The following RBFOX1 variants were observed in gnomAD, a reference collection of about 807,000 sequenced individuals.
RBFOX1 encodes the protein RNA binding protein fox-1 homolog 1.
RBFOX1 carries 8 observed loss-of-function variants against 57.7 expected under a neutral mutation model. The ratio of observed to expected loss-of-function variants is 0.14; its 90% CI spans 0.08 to 0.25. RBFOX1 has a LOEUF of 0.25. Among genes scored for constraint, RBFOX1 ranks in the 10% least tolerant of loss-of-function variants. The pLI is 1.00. For synonymous variants in RBFOX1, 326 were observed against 222.4 expected (o/e 1.47, Z -4.15); for missense variants, 611 against 548.5 (o/e 1.11, Z -1.14).
intron 1 of RBFOX1, among the ~76,000 whole-genome samples, chr16:5,264,042 G>C (rs750375199): frequency 3.3e-5 from 5 of 152,236 alleles, no homozygotes; most frequent in East Asian, 1.9e-4. Context: ...AGGGAAGAAC[G>C]AGTTTAGGAG....
rs764819571 is a variant in RBFOX1, at chr16:7,710,847, A to AG, written c.*102_*103insG. Reference sequence around the variant, plus strand: ...TAGTACATCATTTTAGCAACTCTAAAAAAAAAAAAAATACAAATAAAAAGG... The same window carrying AG: ...TAGTACATCATTTTAGCAACTCTAAAGAAAAAAAAAAATACAAATAAAAAGG... On this transcript the variant is annotated 3_prime_UTR_variant, in exon 16 of 16. Coordinates refer to ENST00000550418, the MANE Select transcript of RBFOX1 (RefSeq NM_018723.4). 22 of 812,370 alleles carry AG rather than the reference A, an allele frequency of 2.7e-5. No individual in the cohort carries two copies. Among genetic ancestry groups the AG allele is most frequent in the Non-Finnish European group, 3.2e-5 (20 of 625,930 alleles). The allele number at this position is 812,370 out of a possible 1,614,324, so 50.3% of individuals were successfully genotyped here.
rs532881776 is a variant in RBFOX1 at position 6,008,112 on chromosome 16, G to A, written c.351+140777G>A. 2.6e-5 allele frequency among the ~76,000 whole-genome samples: 4 copies of A among 152,264 alleles called. No individual in the cohort carries two copies. In the South Asian group the frequency reaches 8.3e-4, roughly 32 times the overall value. ...CCCAGCTACTCAGGAGGCTGAAGCA[G>A]GAGGGTCACTTGAACCTGGCAGGCA... is the stretch of plus-strand genomic sequence containing the variant. On this transcript the variant is annotated intron_variant, in intron 4 of 19. Coordinates refer to the RBFOX1 transcript ENST00000641259.
intron 2 of RBFOX1, among the ~76,000 whole-genome samples, chr16:6,390,414 T>G (rs1161901656): frequency 2.6e-5 from 4 of 152,132 alleles, no homozygotes; most frequent in Non-Finnish European, 5.9e-5. Context: ...TATTTGTTAA[T>G]GCAGGTATCA....
chr16:7,195,425 C>A (rs150677169), intron 4 of RBFOX1, among the ~76,000 whole-genome samples: 1 of 152,158 alleles, frequency 6.6e-6, no homozygotes, highest in African/African-American at 2.4e-5. Context: ...CATTATTACA[C>A]GACCTGGGCA....
At chr16:6,498,572 A>G (rs1301918887) in intron 2 of RBFOX1, among the ~76,000 whole-genome samples, 1 of 152,118 alleles carries the variant, frequency 6.6e-6, no homozygotes, top group Non-Finnish European at 1.5e-5. Context: ...GATTGTGATG[A>G]TAGGCTATAA....
intron 2 of RBFOX1, among the ~76,000 whole-genome samples, chr16:6,495,499 G>C (rs2095746078): frequency 6.6e-6 from 1 of 152,146 alleles, no homozygotes; most frequent in Non-Finnish European, 1.5e-5. Context: ...GGTTGGCTGA[G>C]ACAGTAATAT....
At chr16:7,455,427 A>C (rs1031546475) in intron 4 of RBFOX1, among the ~76,000 whole-genome samples, 4 of 152,160 alleles carry the variant, frequency 2.6e-5, no homozygotes, top group Non-Finnish European at 5.9e-5. Flanking sequence ...AACAGCTCCC[A>C]GAGTTGTTTG....
intron 4 of RBFOX1, among the ~76,000 whole-genome samples, chr16:7,351,327 C>T (rs1279655739): frequency 6.6e-6 from 1 of 152,242 alleles, no homozygotes. Flanking sequence ...TACGCATTGA[C>T]TGGTTAGTTC....
intron 13 of RBFOX1, among the ~76,000 whole-genome samples, chr16:7,673,116 A>G (rs1043700559): frequency 2.0e-5 from 3 of 152,042 alleles, no homozygotes; most frequent in Non-Finnish European, 4.4e-5. Flanking sequence ...TAACACGTAC[A>G]TGTTACAGTC....
chr16:7,195,950 C>G (rs1158899852), intron 4 of RBFOX1, among the ~76,000 whole-genome samples: 1 of 151,888 alleles, frequency 6.6e-6, no homozygotes, highest in East Asian at 1.9e-4. Flanking sequence ...TTCTTTCATT[C>G]TCTACTGCCA....
At chr16:6,037,543 A>T (rs1596569413) in intron 1 of RBFOX1, 1 of 147,996 alleles carries the variant, frequency 6.8e-6, no homozygotes. Flanking sequence ...AAAAAAAAAC[A>T]GTCCGTTGAA....
At chr16:6,643,421 A>AGTTTT (rs111708867) in intron 2 of RBFOX1, among the ~76,000 whole-genome samples, 20 of 150,936 alleles carry the variant, frequency 1.3e-4, no homozygotes, top group African/African-American at 4.6e-4. Context: ...TTTGTTTGTT[A>AGTTTT]GTTTTGTTTT....
chr16:7,502,002 T>C (rs2071063526), intron 4 of RBFOX1, among the ~76,000 whole-genome samples: 1 of 152,238 alleles, frequency 6.6e-6, no homozygotes, highest in African/African-American at 2.4e-5. Context: ...TATCATGCTC[T>C]TGCCCATTTG....
At chr16:6,108,873 G>T (rs974652607) in intron 1 of RBFOX1, among the ~76,000 whole-genome samples, 1 of 151,874 alleles carries the variant, frequency 6.6e-6, no homozygotes, top group Non-Finnish European at 1.5e-5. Context: ...TTATAGGGAC[G>T]CTTGTGATTG....
chr16:6,491,023 C>A (rs1053842339), intron 2 of RBFOX1, among the ~76,000 whole-genome samples: 8 of 151,842 alleles, frequency 5.3e-5, no homozygotes, highest in Non-Finnish European at 1.2e-4. Context: ...ATGAGATGAA[C>A]CCACATAACC....
chr16:6,994,463 T>C (rs923140420), intron 3 of RBFOX1, among the ~76,000 whole-genome samples: 5 of 152,184 alleles, frequency 3.3e-5, no homozygotes, highest in African/African-American at 1.2e-4. Context: ...TTTAATGCCA[T>C]GCTAAGAACT....
At chr16:6,379,170 G>A (rs1405003352) in intron 2 of RBFOX1, among the ~76,000 whole-genome samples, 1 of 152,138 alleles carries the variant, frequency 6.6e-6, no homozygotes, top group African/African-American at 2.4e-5. Flanking sequence ...TGCTCATCTT[G>A]GAAATGTTGA....
chr16:7,703,833 G>A (rs1257362909), intron 14 of RBFOX1, among the ~76,000 whole-genome samples: 1 of 152,176 alleles, frequency 6.6e-6, no homozygotes, highest in Non-Finnish European at 1.5e-5. Context: ...TCATAAATTA[G>A]ATCTCAACTC....
At chr16:6,405,172 A>G (rs529854871) in intron 2 of RBFOX1, among the ~76,000 whole-genome samples, 20 of 152,294 alleles carry the variant, frequency 1.3e-4, no homozygotes, top group Admixed American at 8.5e-4. Flanking sequence ...TATAAATACT[A>G]TGCAGTCTCT....
Sources: gnomAD v4.1 joint callset for allele counts (sites outside exome capture counted in the v4.1 genomes callset) on GRCh38, gnomAD v4.1.1 for gene constraint, MANE v1.5 for transcripts, NCBI Gene and HGNC (gene_info 2026-07-23, HGNC 2026-07-21) for gene names.